The following NRXN3 variants were observed in gnomAD, a reference collection of about 807,000 sequenced individuals.
The protein encoded by NRXN3 is neurexin 3.
NRXN3 carries 32 observed loss-of-function variants against 137.6 expected under a neutral mutation model. The observed-to-expected ratio is 0.23, with a 90% CI of 0.18 to 0.31. The LOEUF (loss-of-function observed/expected upper bound fraction) is 0.31. NRXN3 is among the 10% of genes least tolerant of loss of function. NRXN3 has a pLI of 1.00. For missense variants in NRXN3, 1,574 were observed against 2,062.5 expected (o/e 0.76, Z 4.59); for synonymous variants, 798 against 784.5 (o/e 1.02, Z -0.29).
chr14:78,603,954 G>A (rs941592776), intron 4 of NRXN3, among the ~76,000 whole-genome samples: 4 of 152,098 alleles, frequency 2.6e-5, no homozygotes, highest in Non-Finnish European at 4.4e-5. Context: ...AGACATACCC[G>A]AGACTGAGTA....
intron 15 of NRXN3, among the ~76,000 whole-genome samples, chr14:79,202,553 C>T (rs140180883): frequency 7.2e-4 from 109 of 152,182 alleles, no homozygotes; most frequent in Middle Eastern, 3.4e-3. Context: ...CCCCCAAAGT[C>T]CCCAAAGCCC....
At chr14:79,373,444 G>A (rs1167854164) in intron 15 of NRXN3, among the ~76,000 whole-genome samples, 11 of 152,184 alleles carry the variant, frequency 7.2e-5, no homozygotes, top group Non-Finnish European at 1.5e-5. Flanking sequence ...CTCAGTATTT[G>A]TTAAAGAAAT....
rs3759726 is a variant in NRXN3 at position 78,402,856 on chromosome 14, A to G, written c.757+104996A>G. Among the ~76,000 whole-genome samples the G allele has an allele frequency of 4.1e-3, 617 of 152,312 alleles. 4 individuals carry two copies. The highest frequency in any genetic ancestry group is 0.035 in the East Asian group (183 of 5,188). ...GTACTATGAATCATATTTACAACAT[A>G]ATAAAGATCAGCTGCTTCTATTATT... On this transcript the variant is annotated intron_variant, in intron 4 of 20. Transcript: ENST00000335750.
At chr14:79,014,231 T>G (rs192598094) in intron 15 of NRXN3, among the ~76,000 whole-genome samples, 2 of 152,288 alleles carry the variant, frequency 1.3e-5, no homozygotes, top group Admixed American at 1.3e-4. Context: ...TAGTACCCAA[T>G]AGCTTTTCAA....
intron 16 of NRXN3, among the ~76,000 whole-genome samples, chr14:79,574,557 T>A (rs1389032582): frequency 6.6e-6 from 1 of 152,162 alleles, no homozygotes; most frequent in Non-Finnish European, 1.5e-5. Context: ...GAGTTTTAAC[T>A]CTCTGGCTGT....
chr14:79,135,461 C>T (rs1318194693), intron 15 of NRXN3, among the ~76,000 whole-genome samples: 1 of 152,118 alleles, frequency 6.6e-6, no homozygotes, highest in East Asian at 1.9e-4. Context: ...CAACAGTGGT[C>T]CTACTATCCC....
intron 16 of NRXN3, among the ~76,000 whole-genome samples, chr14:79,497,228 G>A (rs972171410): frequency 2.6e-5 from 4 of 152,250 alleles, no homozygotes; most frequent in Admixed American, 6.5e-5. Context: ...AAGCCAGAAC[G>A]TAAACAGAAT....
chr14:78,824,788 T>C (rs1265373549), intron 10 of NRXN3, among the ~76,000 whole-genome samples: 2 of 152,134 alleles, frequency 1.3e-5, no homozygotes, highest in Admixed American at 6.5e-5. Flanking sequence ...TCATTGTACA[T>C]TTAGAAATAA....
At chr14:79,566,261 T>C (rs1488821323) in intron 16 of NRXN3, among the ~76,000 whole-genome samples, 1 of 152,074 alleles carries the variant, frequency 6.6e-6, no homozygotes, top group Non-Finnish European at 1.5e-5. Context: ...AAAACTCTCC[T>C]TGCTGCACTT....
intron 4 of NRXN3, among the ~76,000 whole-genome samples, chr14:78,325,661 G>T (rs12880409): frequency 0.38 from 58,072 of 151,664 alleles, 11,237 homozygotes; most frequent in Middle Eastern, 0.46. Flanking sequence ...TTGAAAAAAA[G>T]CATAGGGTGT....
chr14:79,358,649 G>GAAAGAA (rs1555397619), intron 15 of NRXN3, among the ~76,000 whole-genome samples: 1 of 150,690 alleles, frequency 6.6e-6, no homozygotes, highest in East Asian at 2.0e-4. Flanking sequence ...AAGAAAGAAA[G>GAAAGAA]AAAGAAAGAA....
chr14:78,635,336 C>G (rs1327130910), intron 4 of NRXN3, among the ~76,000 whole-genome samples: 2 of 152,106 alleles, frequency 1.3e-5, no homozygotes, highest in African/African-American at 4.8e-5. Flanking sequence ...ATCTAAATAT[C>G]TGTATGAGTT....
At chr14:78,624,497 TGCCCACTGCACAGGGGCG>T (rs2097435569) in intron 4 of NRXN3, among the ~76,000 whole-genome samples, 1 of 152,212 alleles carries the variant, frequency 6.6e-6, no homozygotes, top group Admixed American at 6.5e-5. Flanking sequence ...GGGGGCGGTA[TGCCCACTGCACAGGGGCG>T]GGGCCAGGTG....
chr14:79,015,321 C>G (rs1288809715), intron 15 of NRXN3, among the ~76,000 whole-genome samples: 2 of 152,114 alleles, frequency 1.3e-5, no homozygotes, highest in African/African-American at 4.8e-5. Flanking sequence ...ACATCCAAGC[C>G]CTCCCTGCTG....
chr14:78,435,258 G>C (rs2094022476), intron 4 of NRXN3, among the ~76,000 whole-genome samples: 1 of 152,114 alleles, frequency 6.6e-6, no homozygotes, highest in Non-Finnish European at 1.5e-5. Flanking sequence ...GGAAAGCTTT[G>C]GTGGAATCCA....
chr14:79,441,418 T>C (rs902872624), intron 15 of NRXN3, among the ~76,000 whole-genome samples: 38 of 134,324 alleles, frequency 2.8e-4, no homozygotes, highest in East Asian at 9.4e-4. Flanking sequence ...CTCGCTCTGT[T>C]GTCCAGGCTG....
At chr14:78,709,713 G>T in intron 7 of NRXN3, 58 bp downstream of exon 7, 2 of 1,491,758 alleles carry the variant, frequency 1.3e-6, no homozygotes, top group Non-Finnish European at 1.8e-6. Context: ...TTCTCAGTTT[G>T]TTTTTTGGCT....
intron 4 of NRXN3, among the ~76,000 whole-genome samples, chr14:78,626,785 A>T (rs2097463126): frequency 6.6e-6 from 1 of 152,058 alleles, no homozygotes; most frequent in Admixed American, 6.6e-5. Flanking sequence ...AAAAAAGGAG[A>T]TTGTCTTTCA....
intron 15 of NRXN3, among the ~76,000 whole-genome samples, chr14:79,241,591 C>A (rs2153346413): frequency 6.6e-6 from 1 of 152,226 alleles, no homozygotes; most frequent in East Asian, 1.9e-4. Flanking sequence ...CTGGCCCCAC[C>A]CTTCACATGT....
Sources: allele counts gnomAD v4.1 joint callset (sites outside exome capture counted in the v4.1 genomes callset), GRCh38; gene constraint gnomAD v4.1.1; transcripts MANE v1.5; gene names NCBI Gene and HGNC (gene_info 2026-07-23, HGNC 2026-07-21).